The following MAP3K7 variants were observed in gnomAD, a reference collection of about 807,000 sequenced individuals.
MAP3K7 encodes mitogen-activated protein kinase kinase kinase 7.
Under a neutral mutation model 84.8 loss-of-function variants are expected in MAP3K7, and 21 were observed. The ratio of observed to expected loss-of-function variants is 0.25; its 90% confidence interval spans 0.18 to 0.36. The LOEUF (loss-of-function observed/expected upper bound fraction) is 0.36, where lower values mean the gene tolerates loss of function less well. Among genes scored for constraint, MAP3K7 ranks in the 10% least tolerant of loss-of-function variants. The pLI is 1.00. For synonymous variants in MAP3K7, 241 were observed against 247.7 expected (o/e 0.97, Z 0.25); for missense variants, 503 against 747.7 (o/e 0.67, Z 3.82).
At chr6:90,521,217 T>C (rs915887827) in intron 14 of MAP3K7, among the ~76,000 whole-genome samples, 9 of 152,098 alleles carry the variant, frequency 5.9e-5, no homozygotes, top group Middle Eastern at 3.4e-3. Flanking sequence ...CTAGCAATAA[T>C]TGGTCACAGA....
At chr6:90,521,081 TA>T (rs1219511093) in intron 14 of MAP3K7, among the ~76,000 whole-genome samples, 2 of 152,074 alleles carry the variant, frequency 1.3e-5, no homozygotes, top group Non-Finnish European at 2.9e-5. Flanking sequence ...GTTATTCAAA[TA>T]ATTAAAGCCC....
intron 3 of MAP3K7, among the ~76,000 whole-genome samples, chr6:90,566,099 C>G (rs1483910631): frequency 3.3e-5 from 5 of 152,186 alleles, no homozygotes; most frequent in African/African-American, 1.2e-4. Context: ...AAACCCACAG[C>G]CAATATCATC....
intron 3 of MAP3K7, among the ~76,000 whole-genome samples, chr6:90,563,705 G>C (rs1018992276): frequency 6.6e-6 from 1 of 152,082 alleles, no homozygotes; most frequent in African/African-American, 2.4e-5. Context: ...TCAAATTCAG[G>C]AAATACAGAG....
At chr6:90,574,464 A>C (rs970953683) in intron 1 of MAP3K7, among the ~76,000 whole-genome samples, 3 of 152,174 alleles carry the variant, frequency 2.0e-5, no homozygotes, top group African/African-American at 4.8e-5. Context: ...AGGTCCTAAA[A>C]AAATTTCAAC....
intron 13 of MAP3K7, among the ~76,000 whole-genome samples, chr6:90,527,676 G>T (rs377534339): frequency 6.6e-6 from 1 of 152,268 alleles, no homozygotes; most frequent in East Asian, 1.9e-4. Context: ...AAGGCCACAG[G>T]CGAGGAACAC....
At chr6:90,563,709 T>TACAGAGAACGCC in intron 3 of MAP3K7, among the ~76,000 whole-genome samples, 1 of 152,108 alleles carries the variant, frequency 6.6e-6, no homozygotes, top group South Asian at 2.1e-4. Context: ...ATTCAGGAAA[T>TACAGAGAACGCC]ACAGAGAACG....
Position 90,532,355 on chromosome 6 carries a change from T to C in MAP3K7, c.1356+3982A>G, listed in dbSNP as rs190085804. ...CCGGTGAGGCACACTGTGGAGAGGC[T>C]GGCATACAACATGGATTAGTATCTA... On this transcript the variant is annotated intron_variant, in intron 13 of 16. Transcript: ENST00000369329. Among the ~76,000 whole-genome samples the C allele has an allele frequency of 8.5e-5, 13 of 152,304 alleles. No individual in the cohort carries two copies. In the East Asian group the frequency reaches 1.2e-3, roughly 14 times the overall value.
At chr6:90,528,678 A>G (rs891002780) in intron 13 of MAP3K7, among the ~76,000 whole-genome samples, 2 of 152,216 alleles carry the variant, frequency 1.3e-5, no homozygotes, top group African/African-American at 2.4e-5. Flanking sequence ...GTTTTGACAC[A>G]GGCATGCAAT....
At chr6:90,540,099 G>A (rs1231982737) in intron 12 of MAP3K7, among the ~76,000 whole-genome samples, 1 of 151,780 alleles carries the variant, frequency 6.6e-6, no homozygotes, top group Non-Finnish European at 1.5e-5. Context: ...TTAAGTTCAG[G>A]TTCTTCAGGA....
At chr6:90,534,913 A>G (rs1323281591) in intron 13 of MAP3K7, among the ~76,000 whole-genome samples, 1 of 152,160 alleles carries the variant, frequency 6.6e-6, no homozygotes, top group East Asian at 1.9e-4. Flanking sequence ...AGCAGATGTC[A>G]AACTATCTGT....
At chr6:90,566,882 A>C (rs1190054775) in intron 3 of MAP3K7, among the ~76,000 whole-genome samples, 1 of 152,234 alleles carries the variant, frequency 6.6e-6, no homozygotes, top group Non-Finnish European at 1.5e-5. Flanking sequence ...CCAATGGAAC[A>C]GAACAGAGCC....
At chr6:90,564,551 A>G (rs1662580652) in intron 3 of MAP3K7, among the ~76,000 whole-genome samples, 1 of 152,224 alleles carries the variant, frequency 6.6e-6, no homozygotes, top group Non-Finnish European at 1.5e-5. Context: ...CCAATACAGG[A>G]GCACCCAGAT....
chr6:90,581,658 G>A (rs920780916), intron 1 of MAP3K7, among the ~76,000 whole-genome samples: 1 of 152,060 alleles, frequency 6.6e-6, no homozygotes, highest in African/African-American at 2.4e-5. Context: ...AGCTACACGT[G>A]TACAATGCAA....
chr6:90,571,728 C>T lies in MAP3K7; in HGVS notation c.200G>A (p.Ser67Asn). The change falls in exon 2 of 17, where the codon AGT (serine) becomes AAT (asparagine). Residue 67 changes from serine to asparagine, a missense_variant. This residue lies in a region of MAP3K7 where 97 missense variants were observed against 270.8 expected (regional missense o/e 0.36). Coordinates refer to ENST00000369329, the MANE Select transcript of MAP3K7 (RefSeq NM_145331.3). Reference sequence around the variant, plus strand: ...AATAAACGCTTTCCTCTCAGATTCACTTTCTATTTGTTTAATAGCAACATC... The same window carrying T: ...AATAAACGCTTTCCTCTCAGATTCATTTTCTATTTGTTTAATAGCAACATC... ...AKDVAIKQIE[S>N]ESERKAFIVE... 6.2e-7 allele frequency: 1 copy of T among 1,602,388 alleles called. No homozygotes were observed. Among genetic ancestry groups the T allele is most frequent in the South Asian group, 1.1e-5 (1 of 89,282 alleles).
intron 12 of MAP3K7, among the ~76,000 whole-genome samples, chr6:90,538,674 G>A (rs1052139481): frequency 1.3e-5 from 2 of 151,784 alleles, no homozygotes; most frequent in Non-Finnish European, 2.9e-5. Context: ...AAGCAACTTA[G>A]GGGTCAGTTC....
At chr6:90,571,133 C>T (rs1325515271) in intron 2 of MAP3K7, among the ~76,000 whole-genome samples, 2 of 152,010 alleles carry the variant, frequency 1.3e-5, no homozygotes, top group Admixed American at 6.5e-5. Flanking sequence ...ATTGATTTAA[C>T]TAAATAATGT....
chr6:90,550,618 AT>A, intron 8 of MAP3K7, 69 bp from the exon 9 acceptor site: 1 of 970,854 alleles, frequency 1.0e-6, no homozygotes, highest in Non-Finnish European at 1.6e-6. Flanking sequence ...TTAATGTTTT[AT>A]TTTCCCTAAG....
chr6:90,584,969 C>A (rs1465997949), intron 1 of MAP3K7, among the ~76,000 whole-genome samples: 1 of 152,146 alleles, frequency 6.6e-6, no homozygotes, highest in African/African-American at 2.4e-5. Context: ...AACATTTCCC[C>A]CTCTTTTCAA....
At chr6:90,563,873 G>A (rs936975453) in intron 3 of MAP3K7, among the ~76,000 whole-genome samples, 1 of 152,220 alleles carries the variant, frequency 6.6e-6, no homozygotes, top group African/African-American at 2.4e-5. Flanking sequence ...GGATCTCTCA[G>A]CAGAAACTCT....
Sources: gnomAD v4.1 joint callset for allele counts (sites outside exome capture counted in the v4.1 genomes callset) on GRCh38, gnomAD v4.1.1 for gene constraint, gnomAD v4.1.1 regional missense constraint, MANE v1.5 for transcripts, NCBI Gene and HGNC (gene_info 2026-07-23, HGNC 2026-07-21) for gene names.